The following PLCL2 variants were observed in gnomAD, a reference collection of about 807,000 sequenced individuals.
PLCL2 encodes the protein inactive phospholipase C-like protein 2.
A neutral mutation model predicts 79.6 loss-of-function variants in PLCL2; 4 were observed. The observed-to-expected ratio is 0.05, with a 90% confidence interval of 0.02 to 0.11. PLCL2 has a LOEUF of 0.11. PLCL2 is among the 10% of genes least tolerant of loss of function. The pLI is 1.00. For synonymous variants in PLCL2, 484 were observed against 457.7 expected (o/e 1.06, Z -0.73); for missense variants, 895 against 1,291.0 (o/e 0.69, Z 4.70).
At chr3:17,067,855 G>A (rs2065025222) in intron 4 of PLCL2, 101 bp from the exon 5 acceptor site, 2 of 609,568 alleles carry the variant, frequency 3.3e-6, no homozygotes, top group African/African-American at 3.8e-5. Flanking sequence ...TCCACTGGAG[G>A]TTGGAATCAT....
chr3:17,083,653 C>T (rs2065186622), intron 5 of PLCL2, among the ~76,000 whole-genome samples: 1 of 152,160 alleles, frequency 6.6e-6, no homozygotes, highest in African/African-American at 2.4e-5. Flanking sequence ...ACAATGTTGG[C>T]AGTGAAGATG....
intron 3 of PLCL2, among the ~76,000 whole-genome samples, chr3:17,033,921 C>T (rs1045587045): frequency 6.6e-6 from 1 of 152,160 alleles, no homozygotes; most frequent in Non-Finnish European, 1.5e-5. Flanking sequence ...GCCCCTAACC[C>T]ACTTTCCTTA....
chr3:16,906,940 T>C (rs1020007891), intron 1 of PLCL2, among the ~76,000 whole-genome samples: 3 of 152,224 alleles, frequency 2.0e-5, no homozygotes, highest in African/African-American at 7.2e-5. Context: ...TGTGGTAACT[T>C]GGAAGGTGTT....
chr3:17,039,587 A>G (rs2064698074), intron 3 of PLCL2, among the ~76,000 whole-genome samples: 1 of 152,246 alleles, frequency 6.6e-6, no homozygotes, highest in Non-Finnish European at 1.5e-5. Context: ...AGCAAGTAGT[A>G]CAAATATTTT....
intron 4 of PLCL2, among the ~76,000 whole-genome samples, chr3:17,064,217 T>C (rs1166036573): frequency 4.6e-5 from 7 of 152,220 alleles, no homozygotes. Flanking sequence ...AGTAATTTAG[T>C]TCCAAGAGAA....
chr3:16,976,620 C>G (rs1434785378), intron 1 of PLCL2, among the ~76,000 whole-genome samples: 1 of 152,174 alleles, frequency 6.6e-6, no homozygotes, highest in African/African-American at 2.4e-5. Flanking sequence ...ACAGCATAGC[C>G]TAGCCAAGGT....
At chr3:17,072,554 A>G (rs2065069793) in intron 5 of PLCL2, among the ~76,000 whole-genome samples, 1 of 151,838 alleles carries the variant, frequency 6.6e-6, no homozygotes, top group South Asian at 2.1e-4. Context: ...TTGTAATCCC[A>G]GCTACTTGGG....
At chr3:16,990,445 C>A (rs984057572) in intron 1 of PLCL2, among the ~76,000 whole-genome samples, 1 of 152,188 alleles carries the variant, frequency 6.6e-6, no homozygotes, top group Non-Finnish European at 1.5e-5. Context: ...AGCCAACCAA[C>A]TTTCCTTTTA....
intron 1 of PLCL2, among the ~76,000 whole-genome samples, chr3:16,950,850 T>C (rs2063644466): frequency 6.6e-6 from 1 of 152,146 alleles, no homozygotes; most frequent in South Asian, 2.1e-4. Context: ...TTTTTTCTCT[T>C]CTAAAACCAC....
At chr3:17,082,446 C>T (rs2065174092) in intron 5 of PLCL2, among the ~76,000 whole-genome samples, 1 of 152,070 alleles carries the variant, frequency 6.6e-6, no homozygotes, top group South Asian at 2.1e-4. Flanking sequence ...TTGTTCTTCA[C>T]TCATGCTACA....
chr3:17,028,190 C>A (rs76054011), intron 3 of PLCL2, among the ~76,000 whole-genome samples: 2,700 of 152,220 alleles, frequency 0.018, 96 homozygotes, highest in African/African-American at 0.062. Flanking sequence ...AGCTCTGCAT[C>A]GTCTCTGAAA....
chr3:17,014,997 G>A, intron 3 of PLCL2, 86 bp downstream of exon 3: 2 of 1,039,392 alleles, frequency 1.9e-6, no homozygotes, highest in Non-Finnish European at 2.9e-6. Context: ...AGCTTTTGCT[G>A]AAGTGCACTT....
At chr3:17,069,223 AT>A (rs1424224777) in intron 5 of PLCL2, among the ~76,000 whole-genome samples, 4 of 152,244 alleles carry the variant, frequency 2.6e-5, no homozygotes, top group Non-Finnish European at 5.9e-5. Context: ...TAGTAAATGA[AT>A]TTTAGGGGAA....
rs2063752932 is a variant in PLCL2 at position 16,961,373 on chromosome 3, C to T, written c.328-48301C>T. On this transcript the variant is annotated intron_variant, in intron 1 of 5. Transcript: ENST00000615277. ...GCCATGCTAGGCAATGAGATAGAGC[C>T]TTCAAAGAGCTTAGTCTACCGATAG... 2.0e-5 allele frequency among the ~76,000 whole-genome samples: 3 copies of T among 152,154 alleles called. No homozygotes were observed. The South Asian group carries it at 6.2e-4, about 32-fold the overall frequency.
intron 1 of PLCL2, among the ~76,000 whole-genome samples, chr3:16,932,156 A>G (rs1230036597): frequency 6.6e-6 from 1 of 152,242 alleles, no homozygotes; most frequent in Non-Finnish European, 1.5e-5. Context: ...TATGGCTGCC[A>G]GAATTAGGAT....
chr3:17,032,288 T>G (rs2064592162), intron 3 of PLCL2, among the ~76,000 whole-genome samples: 1 of 152,122 alleles, frequency 6.6e-6, no homozygotes, highest in Admixed American at 6.6e-5. Flanking sequence ...ATGCTAAATC[T>G]CAATCTAGAA....
intron 3 of PLCL2, among the ~76,000 whole-genome samples, chr3:17,022,865 G>T (rs532576169): frequency 7.9e-5 from 12 of 152,172 alleles, no homozygotes; most frequent in African/African-American, 2.6e-4. Flanking sequence ...AGATGTCCCT[G>T]GATTTTAATT....
chr3:16,887,907 G>A lies in PLCL2; in HGVS notation c.327+2541G>A, dbSNP rs1696260759. On this transcript the variant is annotated intron_variant, in intron 1 of 5. Coordinates refer to ENST00000615277, the MANE Select transcript of PLCL2 (RefSeq NM_001144382.2). This position sits in a 1 kb window ranked among gnomAD's most constrained non-coding sequence, Gnocchi z 4.1. ...TAATATAAGGGATGAATGCAGTCAG[G>A]TGGTCTCTGAGTAGAGGCAGGAGTA... is the stretch of plus-strand genomic sequence containing the variant. Among the ~76,000 whole-genome samples the A allele has an allele frequency of 6.6e-6, 1 of 152,060 alleles. No homozygotes were observed. Among genetic ancestry groups the A allele is most frequent in the Non-Finnish European group, 1.5e-5 (1 of 68,010 alleles).
chr3:16,918,778 T>C lies in PLCL2; in HGVS notation c.327+33412T>C, dbSNP rs114824234. 3.6e-3 allele frequency among the ~76,000 whole-genome samples: 542 copies of C among 152,334 alleles called. 7 individuals carry two copies. The highest frequency in any genetic ancestry group is 4.3e-3 in the Non-Finnish European group (294 of 68,024). ...AAAGGGCTGAAACCTCACCTAGTTATATAATTCTTTGATTTTGTTGCTCTT... is the reference window on the plus strand; with the variant it reads ...AAAGGGCTGAAACCTCACCTAGTTACATAATTCTTTGATTTTGTTGCTCTT... On this transcript the variant is annotated intron_variant, in intron 1 of 5. Transcript: ENST00000615277.
Sources: gnomAD v4.1 joint callset for allele counts (sites outside exome capture counted in the v4.1 genomes callset) on GRCh38, gnomAD v4.1.1 for gene constraint, Gnocchi (gnomAD v3.1) non-coding constraint, MANE v1.5 for transcripts, NCBI Gene and HGNC (gene_info 2026-07-23, HGNC 2026-07-21) for gene names.